The following HIPK2 variants were observed in gnomAD, a reference collection of about 807,000 sequenced individuals.
HIPK2 encodes homeodomain interacting protein kinase 2.
A neutral mutation model predicts 113.7 loss-of-function variants in HIPK2; 27 were observed. The observed-to-expected ratio is 0.24, with a 90% CI of 0.17 to 0.33. The LOEUF is 0.33. Among genes scored for constraint, HIPK2 ranks in the 10% least tolerant of loss-of-function variants. The pLI, the probability that HIPK2 is intolerant of heterozygous loss-of-function variation, is 1.00. For synonymous variants in HIPK2, 631 were observed against 642.2 expected, an observed-to-expected ratio of 0.98 and a Z score of 0.26; for missense variants, 1,257 against 1,588.0, an observed-to-expected ratio of 0.79 and a Z score of 3.54.
intron 2 of HIPK2, among the ~76,000 whole-genome samples, chr7:139,679,443 C>T (rs1016157507): frequency 1.3e-5 from 2 of 152,146 alleles, no homozygotes; most frequent in African/African-American, 4.8e-5. Flanking sequence ...GTGGGTACTT[C>T]GGGTAGACAG....
At chr7:139,730,284 C>A (rs966201662) in intron 1 of HIPK2, among the ~76,000 whole-genome samples, 1 of 152,112 alleles carries the variant, frequency 6.6e-6, no homozygotes, top group African/African-American at 2.4e-5. Context: ...GTTTGTGGCA[C>A]ACAGAATCAG....
rs975517109 is a variant in HIPK2, at chr7:139,683,020, GA to G, written c.1103+32911del. On this transcript the variant is annotated intron_variant, in intron 2 of 14. Coordinates refer to ENST00000406875, the MANE Select transcript of HIPK2 (RefSeq NM_022740.5). The surrounding 1 kb of genome is among the most constrained non-coding windows in gnomAD (Gnocchi z 4.2). The stretch of plus-strand genomic sequence containing the variant: ...CAGCAAGAACCAGACTTTCTGGTGG[GA>G]GAGAAAGGAGAATGTGTGTTCTCTC... 1.3e-5 allele frequency among the ~76,000 whole-genome samples: 2 copies of G among 152,170 alleles called. No homozygotes were observed. The highest frequency in any genetic ancestry group is 2.4e-5 in the African/African-American group (1 of 41,436).
At position 139,697,869 on chromosome 7, in the gene HIPK2, T is replaced by TA. The variant is rs1323948039; in HGVS notation, c.1103+18062_1103+18063insT. On this transcript the variant is annotated intron_variant, in intron 2 of 14. Transcript: ENST00000406875. ...TGCATTCTGTCTTAATGGAATTTTT[T>TA]TTTTTTTTTTTTTTTTTTGAGACGG... Among the ~76,000 whole-genome samples the TA allele has an allele frequency of 1.4e-3, 204 of 147,436 alleles. 6 individuals are homozygous for TA. Among genetic ancestry groups the TA allele is most frequent in the South Asian group, 1.7e-3 (8 of 4,680 alleles).
At chr7:139,754,899 C>G (rs895549218) in intron 1 of HIPK2, among the ~76,000 whole-genome samples, 6 of 152,184 alleles carry the variant, frequency 3.9e-5, no homozygotes, top group African/African-American at 1.2e-4. Context: ...CACAGCGAGT[C>G]TCTGATTCTC....
At chr7:139,649,120 G>C (rs778193115) in intron 2 of HIPK2, among the ~76,000 whole-genome samples, 4 of 152,152 alleles carry the variant, frequency 2.6e-5, no homozygotes, top group Non-Finnish European at 4.4e-5. Flanking sequence ...GAGGTGACTT[G>C]CCCGCTGCAG....
intron 2 of HIPK2, among the ~76,000 whole-genome samples, chr7:139,645,595 C>A (rs377012716): frequency 6.6e-6 from 1 of 152,118 alleles, no homozygotes; most frequent in African/African-American, 2.4e-5. Context: ...TACTCCTGGC[C>A]GATGGAGTAG....
At chr7:139,638,468 C>G (rs1283848241) in intron 2 of HIPK2, among the ~76,000 whole-genome samples, 1 of 152,102 alleles carries the variant, frequency 6.6e-6, no homozygotes, top group Non-Finnish European at 1.5e-5. Flanking sequence ...AACTGAGCAC[C>G]CACTGGCCCC....
intron 1 of HIPK2, among the ~76,000 whole-genome samples, chr7:139,753,327 G>A (rs772304834): frequency 4.6e-5 from 7 of 152,208 alleles, no homozygotes; most frequent in Admixed American, 1.3e-4. Context: ...GGGTGCTGGC[G>A]TGGCAGCTGA....
Position 139,614,472 on chromosome 7 carries a change from T to C in HIPK2, c.1804A>G (p.Thr602Ala), listed in dbSNP as rs199879002. 1 of 1,447,618 alleles carries C rather than the reference T, an allele frequency of 6.9e-7. No individual in the cohort carries two copies. The highest frequency in any genetic ancestry group is 9.2e-7 in the Non-Finnish European group (1 of 1,086,696). 89.7% of individuals were successfully genotyped at this position (1,447,618 alleles called of 1,614,324 possible). ...ACTTCGGGATTGGCTAAGGAAATAG[T>C]GGCACTGGTAGAGGAGGGAGCCTAA... ...HNQAPSSTSA[T>A]ISLANPEVSI... Residue 602 changes from threonine (T) to alanine (A), a missense_variant, in exon 8 of 15, where the codon ACT (threonine) becomes GCT (alanine). Thr to Ala is a moderately conservative substitution (Grantham distance 58). Transcript: ENST00000406875.
At chr7:139,746,719 T>C (rs1182669725) in intron 1 of HIPK2, among the ~76,000 whole-genome samples, 2 of 152,158 alleles carry the variant, frequency 1.3e-5, no homozygotes, top group African/African-American at 4.8e-5. Flanking sequence ...TGCCCTCCAA[T>C]TCAATGCCAG....
intron 1 of HIPK2, among the ~76,000 whole-genome samples, chr7:139,762,359 G>A (rs528675874): frequency 6.6e-6 from 1 of 152,320 alleles, no homozygotes; most frequent in African/African-American, 2.4e-5. Context: ...TTTAAGAGGG[G>A]TGCTGAAATG....
chr7:139,583,926 G>T lies in HIPK2; in HGVS notation c.2856C>A (p.Thr952=), dbSNP rs532739012. Residue 952 remains threonine (T), a synonymous_variant, in exon 13 of 15, where the codon ACC becomes ACA. Transcript: ENST00000406875. ...TGCAGTGATTCTCCAGGCTCCCCTT[G>T]GTGTCAAAGGCATTGGCATTGTTGT... ...AGHNNANAFD[T]KGSLENHCTG... The T allele has an allele frequency of 6.2e-7, 1 of 1,614,058 alleles. No homozygotes were observed. The highest frequency in any genetic ancestry group is 2.2e-5 in the East Asian group (1 of 44,886).
chr7:139,751,533 TGGAGGGAGGGAGGGAG>T lies in HIPK2; in HGVS notation c.19+26056_19+26071del, dbSNP rs6150368. Among the ~76,000 whole-genome samples the T allele has an allele frequency of 1.1e-4, 11 of 97,454 alleles. No individual in the cohort carries two copies. In the South Asian group the frequency reaches 1.3e-3, roughly 12 times the overall value. 63.9% of individuals were successfully genotyped at this position (97,454 alleles called of 152,430 possible). ...AGGTTCCCTTATTTGATGAATGATT[TGGAGGGAGGGAGGGAG>T]GGAGGGAGGGAGGGATGGATGGATG... On this transcript the variant is annotated intron_variant, in intron 1 of 14. Coordinates refer to ENST00000406875, the MANE Select transcript of HIPK2 (RefSeq NM_022740.5).
intron 2 of HIPK2, among the ~76,000 whole-genome samples, chr7:139,694,277 C>T (rs571502057): frequency 1.3e-4 from 20 of 152,318 alleles, no homozygotes; most frequent in Non-Finnish European, 7.4e-5. Flanking sequence ...GCCAGAGACA[C>T]GTGTGTCCTT....
chr7:139,620,664 A>G, intron 6 of HIPK2, 101 bp from the exon 7 acceptor site: 6 of 1,431,568 alleles, frequency 4.2e-6, no homozygotes, highest in Non-Finnish European at 5.7e-6. Flanking sequence ...AGAAGGGTTA[A>G]TTCAGTAAAC....
At position 139,569,016 on chromosome 7, in the gene HIPK2, C is replaced by T. The variant is rs1023584485; in HGVS notation, c.*3911G>A. 1.3e-5 allele frequency: 2 copies of T among 152,298 alleles called. No individual in the cohort carries two copies. The highest frequency in any genetic ancestry group is 2.4e-5 in the African/African-American group (1 of 41,444). The allele number at this position is 152,298 out of a possible 1,614,324, so 9.4% of individuals were successfully genotyped here. A position where few individuals can be genotyped will look rare whatever the true frequency, so the allele number is the denominator to read the frequency against. Reference sequence around the variant, plus strand: ...TGGGTCTGGGGACAGCGTGTGAGCACCCAGCGCACACAGCACAGTGCACTG... The same window carrying T: ...TGGGTCTGGGGACAGCGTGTGAGCATCCAGCGCACACAGCACAGTGCACTG... On this transcript the variant is annotated 3_prime_UTR_variant, in exon 15 of 15. Coordinates refer to ENST00000406875, the MANE Select transcript of HIPK2 (RefSeq NM_022740.5).
chr7:139,731,040 G>C (rs901489219), intron 1 of HIPK2, among the ~76,000 whole-genome samples: 2 of 152,230 alleles, frequency 1.3e-5, no homozygotes, highest in African/African-American at 4.8e-5. Context: ...AAAACTGTGA[G>C]AGAAGACATT....
intron 2 of HIPK2, among the ~76,000 whole-genome samples, chr7:139,702,834 T>C (rs1365058515): frequency 6.6e-6 from 1 of 152,236 alleles, no homozygotes; most frequent in Non-Finnish European, 1.5e-5. Context: ...TAATAGTTTG[T>C]CACTTCTCTG....
At chr7:139,582,727 C>T (rs1798708963) in intron 13 of HIPK2, among the ~76,000 whole-genome samples, 1 of 152,260 alleles carries the variant, frequency 6.6e-6, no homozygotes. Flanking sequence ...TTAGGCAGAG[C>T]CTCTCAGCAA....
Sources: gnomAD v4.1 joint callset for allele counts (sites outside exome capture counted in the v4.1 genomes callset) on GRCh38, gnomAD v4.1.1 for gene constraint, Gnocchi (gnomAD v3.1) non-coding constraint, MANE v1.5 for transcripts, NCBI Gene and HGNC (gene_info 2026-07-23, HGNC 2026-07-21) for gene names.